AFTPH: variants seen among roughly 807,000 people sequenced by gnomAD.
AFTPH encodes the protein aftiphilin, also known as aftiphilin protein.
In AFTPH, 7 loss-of-function variants were observed where a neutral mutation model predicts 72.5. The observed-to-expected ratio is 0.10, with a 90% CI of 0.05 to 0.18. AFTPH has a LOEUF of 0.18. AFTPH is among the 10% of genes least tolerant of loss of function. AFTPH has a pLI of 1.00. For synonymous variants in AFTPH, 337 were observed against 370.1 expected, an observed-to-expected ratio of 0.91 and a Z score of 1.03; for missense variants, 979 against 1,060.5, an observed-to-expected ratio of 0.92 and a Z score of 1.07.
At chr2:64,551,664 C>T in exon 2 of AFTPH, 1 of 1,613,938 alleles carries the variant, frequency 6.2e-7, no homozygotes, top group Non-Finnish European at 8.5e-7. Context: ...ACCTTCAAAC[C>T]ATTTTATGCC....
At chr2:64,578,724 A>C (rs531150741) in intron 6 of AFTPH, among the ~76,000 whole-genome samples, 18 of 151,010 alleles carry the variant, frequency 1.2e-4, no homozygotes, top group Non-Finnish European at 2.2e-4. Context: ...TGCCTGGCTA[A>C]TTTTTTTTTA....
At chr2:64,569,347 T>A in intron 4 of AFTPH, 129 bp downstream of exon 4, 1 of 1,233,696 alleles carries the variant, frequency 8.1e-7, no homozygotes, top group Non-Finnish European at 1.1e-6. Flanking sequence ...AATGTTCACT[T>A]ATATTGAATG....
intron 6 of AFTPH, among the ~76,000 whole-genome samples, chr2:64,573,427 G>A (rs1294873893): frequency 1.6e-5 from 2 of 124,950 alleles, no homozygotes; most frequent in Non-Finnish European, 3.6e-5. Flanking sequence ...GGTAAGTGCT[G>A]GGTTTAAAAA....
chr2:64,539,747 T>C (rs1670108851), intron 1 of AFTPH, among the ~76,000 whole-genome samples: 1 of 152,148 alleles, frequency 6.6e-6, no homozygotes, highest in African/African-American at 2.4e-5. Flanking sequence ...TTACAGTCAT[T>C]TGAGCTCAAA....
intron 2 of AFTPH, among the ~76,000 whole-genome samples, chr2:64,564,913 C>T (rs1007779720): frequency 1.3e-5 from 2 of 151,542 alleles, no homozygotes; most frequent in African/African-American, 4.9e-5. Flanking sequence ...TCTCAGCTCA[C>T]TGCCACCTCC....
intron 1 of AFTPH, among the ~76,000 whole-genome samples, chr2:64,534,132 G>A (rs1482067472): frequency 6.6e-6 from 1 of 152,140 alleles, no homozygotes; most frequent in African/African-American, 2.4e-5. Context: ...CAGTTTTGCT[G>A]TGGTTTATCA....
intron 2 of AFTPH, among the ~76,000 whole-genome samples, chr2:64,559,731 G>T (rs895202311): frequency 2.0e-5 from 3 of 152,210 alleles, no homozygotes; most frequent in Middle Eastern, 3.4e-3. Flanking sequence ...TTGAGACAGG[G>T]TCCCATTCCG....
At chr2:64,533,930 T>G (rs1558591107) in intron 1 of AFTPH, among the ~76,000 whole-genome samples, 3 of 152,206 alleles carry the variant, frequency 2.0e-5, no homozygotes, top group African/African-American at 7.2e-5. Context: ...ATTCTTTAAA[T>G]CATTCTAAGT....
chr2:64,585,278 T>G, intron 7 of AFTPH, 144 bp from the exon 9 acceptor site: 1 of 935,424 alleles, frequency 1.1e-6, no homozygotes, highest in Non-Finnish European at 1.6e-6. Context: ...AAAAAATAAA[T>G]GCAGTATTGC....
chr2:64,588,754 G>A (rs1350258678), intron 8 of AFTPH, among the ~76,000 whole-genome samples: 1 of 151,850 alleles, frequency 6.6e-6, no homozygotes. Context: ...TGCCTTTTTT[G>A]TTTTTGTTTT....
chr2:64,550,196 G>A (rs1166994299), intron 1 of AFTPH, among the ~76,000 whole-genome samples: 1 of 152,292 alleles, frequency 6.6e-6, no homozygotes, highest in East Asian at 1.9e-4. Context: ...TGAATGGGTA[G>A]ACAACCTGTG....
intron 1 of AFTPH, among the ~76,000 whole-genome samples, chr2:64,547,282 T>G (rs1317104202): frequency 6.6e-6 from 1 of 152,218 alleles, no homozygotes; most frequent in Admixed American, 6.5e-5. Flanking sequence ...TTCATGAGCT[T>G]GATACTTTTG....
At chr2:64,553,981 T>G (rs1671208882) in intron 2 of AFTPH, among the ~76,000 whole-genome samples, 1 of 152,080 alleles carries the variant, frequency 6.6e-6, no homozygotes, top group African/African-American at 2.4e-5. Flanking sequence ...AAAAGCAAGT[T>G]TTTCTTTTTC....
chr2:64,552,499 A>T, exon 2 of AFTPH: 1 of 1,614,188 alleles, frequency 6.2e-7, no homozygotes, highest in Non-Finnish European at 8.5e-7. Flanking sequence ...GACTCAGCTG[A>T]TAATTCAGAA....
chr2:64,559,916 A>T (rs1379483119), intron 2 of AFTPH, among the ~76,000 whole-genome samples: 1 of 152,044 alleles, frequency 6.6e-6, no homozygotes, highest in Non-Finnish European at 1.5e-5. Context: ...TGTTGCCCAG[A>T]TGGTCTCCAA....
intron 7 of AFTPH, among the ~76,000 whole-genome samples, chr2:64,584,724 G>A (rs1397027730): frequency 6.6e-6 from 1 of 151,384 alleles, no homozygotes; most frequent in Non-Finnish European, 1.5e-5. Context: ...AGCCTCCTGA[G>A]TAGCTGGGAC....
intron 1 of AFTPH, among the ~76,000 whole-genome samples, chr2:64,545,570 T>TTAAAA (rs1670535024): frequency 4.1e-5 from 1 of 24,172 alleles, no homozygotes; most frequent in Admixed American, 7.1e-4. Flanking sequence ...CCACCAGCAG[T>TTAAAA]AAAAAAAAAA....
intron 2 of AFTPH, among the ~76,000 whole-genome samples, chr2:64,564,786 A>C (rs948185957): frequency 1.3e-5 from 2 of 152,070 alleles, no homozygotes; most frequent in African/African-American, 4.8e-5. Context: ...TAGTGGTGAG[A>C]AACTCATTAC....
intron 7 of AFTPH, 103 bp downstream of exon 8, chr2:64,581,376 A>G (rs1346016502): frequency 7.8e-6 from 7 of 894,504 alleles, no homozygotes; most frequent in Non-Finnish European, 1.1e-5. Context: ...TGTATTCTCT[A>G]TAATGTCTTT....
Sources: gnomAD v4.1 joint callset for allele counts (sites outside exome capture counted in the v4.1 genomes callset) on GRCh38, gnomAD v4.1.1 for gene constraint, MANE v1.5 for transcripts, NCBI Gene and HGNC (gene_info 2026-07-23, HGNC 2026-07-21) for gene names.